The following ZC3H12B variants were observed in gnomAD, a reference collection of about 807,000 sequenced individuals.
The protein encoded by ZC3H12B is zinc finger CCCH-type containing 12B, also known as probable ribonuclease ZC3H12B.
Under a neutral mutation model 43.9 loss-of-function variants are expected in ZC3H12B, and 7 were observed. The ratio of observed to expected loss-of-function variants is 0.16; its 90% CI spans 0.09 to 0.30. The LOEUF is 0.30. ZC3H12B is among the 10% of genes least tolerant of loss of function. The pLI is 1.00. For synonymous variants in ZC3H12B, 222 were observed against 241.7 expected, an observed-to-expected ratio of 0.92 and a Z score of 0.76; for missense variants, 475 against 670.2, an observed-to-expected ratio of 0.71 and a Z score of 3.22.
chrX:65,281,303 C>G, the ZC3H12B span, among the ~76,000 whole-genome samples: 1 of 103,962 alleles, frequency 9.6e-6, no homozygotes, highest in Non-Finnish European at 1.9e-5. Context: ...GGAGCGATTT[C>G]GGCTCACTGC....
the ZC3H12B span, among the ~76,000 whole-genome samples, chrX:65,067,732 C>A: frequency 9.1e-6 from 1 of 109,564 alleles, no homozygotes; most frequent in Non-Finnish European, 1.9e-5. Context: ...ATTTCAATTG[C>A]ATTCATTTCT....
At chrX:65,057,006 A>T in the ZC3H12B span, among the ~76,000 whole-genome samples, 1 of 111,951 alleles carries the variant, frequency 8.9e-6, no homozygotes, top group Non-Finnish European at 1.9e-5. Flanking sequence ...GGTCTCCTGA[A>T]TACAGCACAG....
At chrX:65,317,557 AG>A in the ZC3H12B span, among the ~76,000 whole-genome samples, 1 of 108,973 alleles carries the variant, frequency 9.2e-6, no homozygotes, top group Non-Finnish European at 1.9e-5. Context: ...GAGTCCTCAA[AG>A]TCCATTGTAT....
intron 3 of ZC3H12B, among the ~76,000 whole-genome samples, chrX:65,467,354 G>A (rs2067838530): frequency 9.0e-6 from 1 of 110,639 alleles, no homozygotes; most frequent in Non-Finnish European, 1.9e-5. Flanking sequence ...CTCATTTGTT[G>A]GTGGGCACTT....
chrX:65,252,910 C>A, the ZC3H12B span, among the ~76,000 whole-genome samples: 1 of 111,566 alleles, frequency 9.0e-6, no homozygotes, highest in African/African-American at 3.3e-5. Context: ...TCCATTAGAC[C>A]TTATTTGCTT....
chrX:65,113,607 GA>G, the ZC3H12B span, among the ~76,000 whole-genome samples: 12 of 109,616 alleles, frequency 1.1e-4, no homozygotes, highest in African/African-American at 4.0e-4. Flanking sequence ...ATGCTAGAGA[GA>G]AATCTTGCAT....
At chrX:65,391,174 G>A (rs2148031409) in intron 2 of ZC3H12B, among the ~76,000 whole-genome samples, 1 of 111,920 alleles carries the variant, frequency 8.9e-6, no homozygotes, top group East Asian at 2.8e-4. Context: ...CCAAGTTACA[G>A]AACATCTGTC....
chrX:65,213,913 A>T, the ZC3H12B span, among the ~76,000 whole-genome samples: 1 of 101,556 alleles, frequency 9.8e-6, no homozygotes, highest in African/African-American at 4.4e-5. Context: ...ATATATACAC[A>T]CACACATATA....
the ZC3H12B span, among the ~76,000 whole-genome samples, chrX:65,084,410 A>G: frequency 4.5e-5 from 5 of 112,097 alleles, no homozygotes; most frequent in African/African-American, 1.3e-4. Context: ...AACTCTACAG[A>G]AAAAAATATA....
chrX:65,301,799 C>G, the ZC3H12B span, among the ~76,000 whole-genome samples: 1 of 111,191 alleles, frequency 9.0e-6, no homozygotes, highest in Middle Eastern at 4.6e-3. Context: ...CAAATCACTG[C>G]TAAAGAACTT....
chrX:65,471,262 C>A (rs1472604619), intron 3 of ZC3H12B, among the ~76,000 whole-genome samples: 1 of 109,746 alleles, frequency 9.1e-6, no homozygotes, highest in Non-Finnish European at 1.9e-5. Context: ...ATATAATAAC[C>A]TTCTTTGTCT....
the ZC3H12B span, among the ~76,000 whole-genome samples, chrX:65,064,297 A>G: frequency 8.9e-6 from 1 of 111,885 alleles, no homozygotes; most frequent in Admixed American, 9.5e-5. Flanking sequence ...TTAATGCTAT[A>G]AGTTTCCCTC....
At chrX:65,054,381 C>A in the ZC3H12B span, among the ~76,000 whole-genome samples, 1 of 111,381 alleles carries the variant, frequency 9.0e-6, no homozygotes, top group African/African-American at 3.3e-5. Context: ...TTCCCCATTT[C>A]TTGTTTTTGT....
Position 65,417,092 on chromosome X carries a change from T to C in ZC3H12B, n.407+18388T>C, listed in dbSNP as rs764139044. 2.7e-4 allele frequency among the ~76,000 whole-genome samples: 30 copies of C among 111,692 alleles called. 1 individual carries two copies. In the South Asian group the frequency reaches 0.011, roughly 42 times the overall value. Reference sequence around the variant, plus strand: ...GAAATATTTCCCAAGCCTAGACCATTGCTTCTCAAACCTACCTGGGGATTT... The same window carrying C: ...GAAATATTTCCCAAGCCTAGACCATCGCTTCTCAAACCTACCTGGGGATTT... On this transcript the variant is annotated intron_variant and non_coding_transcript_variant, in intron 3 of 5. Coordinates refer to the ZC3H12B transcript ENST00000617377.
At chrX:65,212,013 A>C in the ZC3H12B span, among the ~76,000 whole-genome samples, 1 of 65,727 alleles carries the variant, frequency 1.5e-5, no homozygotes, top group Non-Finnish European at 2.5e-5. Flanking sequence ...ATACTATATA[A>C]TATATAATAT....
the ZC3H12B span, among the ~76,000 whole-genome samples, chrX:65,222,726 A>T: frequency 6.3e-5 from 7 of 110,296 alleles, no homozygotes; most frequent in Admixed American, 6.8e-4. Context: ...TATTGAAAGA[A>T]ATCATAGATG....
At chrX:65,067,791 G>T in the ZC3H12B span, among the ~76,000 whole-genome samples, 1 of 108,173 alleles carries the variant, frequency 9.2e-6, no homozygotes, top group Admixed American at 9.8e-5. Flanking sequence ...CATTTGGTTT[G>T]CGCTTGCTTT....
the ZC3H12B span, among the ~76,000 whole-genome samples, chrX:65,133,851 G>C: frequency 1.8e-5 from 2 of 110,442 alleles, no homozygotes; most frequent in Non-Finnish European, 3.8e-5. Context: ...AGTCACACTG[G>C]GAGTAGAGAT....
chrX:65,246,340 G>A, the ZC3H12B span, among the ~76,000 whole-genome samples: 1 of 112,074 alleles, frequency 8.9e-6, no homozygotes, highest in Non-Finnish European at 1.9e-5. Flanking sequence ...GCTTCCCAAA[G>A]CAATTCATTG....
Sources: allele counts gnomAD v4.1 joint callset (sites outside exome capture counted in the v4.1 genomes callset), GRCh38; gene constraint gnomAD v4.1.1; transcripts MANE v1.5; gene names NCBI Gene and HGNC (gene_info 2026-07-23, HGNC 2026-07-21).